Variants in IL15 observed in about 807,000 individuals in gnomAD.
IL15 encodes interleukin-15.
Under a neutral mutation model 19.6 loss-of-function variants are expected in IL15, and 11 were observed. The observed-to-expected ratio is 0.56, with a 90% CI of 0.35 to 0.93. IL15 has a LOEUF of 0.93. Among genes scored for constraint, IL15 ranks in the 40% least tolerant of loss-of-function variants. The probability of loss-of-function intolerance (pLI) is 0.01; values close to 1 mark genes in which losing one functional copy is unlikely to be tolerated. For synonymous variants in IL15, 58 were observed against 59.6 expected (o/e 0.97, Z 0.12); for missense variants, 197 against 186.5 (o/e 1.06, Z -0.33).
intron 2 of IL15, among the ~76,000 whole-genome samples, chr4:141,662,505 T>C (rs1443689425): frequency 1.3e-5 from 2 of 152,254 alleles, no homozygotes; most frequent in African/African-American, 4.8e-5. Context: ...TCATTTAATA[T>C]TGCATGATAT....
At chr4:141,667,020 A>G (rs947690960) in intron 2 of IL15, among the ~76,000 whole-genome samples, 2 of 152,206 alleles carry the variant, frequency 1.3e-5, no homozygotes, top group African/African-American at 4.8e-5. Context: ...GCTCCTGAAC[A>G]GCTGAACTTG....
Position 141,727,969 on chromosome 4 carries a change from G to A in IL15, c.225G>A (p.Thr75=), listed in dbSNP as rs143236056. ...TGCATATTGATGCTACTTTATATACGGAAAGTGATGTTCACGTGAGTATAC... is the reference window on the plus strand; with the variant it reads ...TGCATATTGATGCTACTTTATATACAGAAAGTGATGTTCACGTGAGTATAC... ...QSMHIDATLY[T]ESDVHPSCKV... Residue 75 remains threonine (T), a synonymous_variant, in exon 6 of 8, where the codon ACG becomes ACA. Transcript: ENST00000320650. 31 of 1,359,688 alleles carry A rather than the reference G, an allele frequency of 2.3e-5. No individual in the cohort carries two copies. The highest frequency in any genetic ancestry group is 1.0e-4 in the African/African-American group (7 of 68,368). The allele number at this position is 1,359,688 out of a possible 1,614,324, so 84.2% of individuals were successfully genotyped here.
At chr4:141,727,498 G>A (rs75790354) in intron 5 of IL15, among the ~76,000 whole-genome samples, 2,221 of 152,236 alleles carry the variant, frequency 0.015, 43 homozygotes, top group East Asian at 0.058. Context: ...GATGAGGTAT[G>A]TATGGGGAGA....
intron 1 of IL15, among the ~76,000 whole-genome samples, chr4:141,651,252 T>TA (rs1727396027): frequency 6.6e-6 from 1 of 151,804 alleles, no homozygotes; most frequent in Non-Finnish European, 1.5e-5. Flanking sequence ...TATTCAGCCA[T>TA]AAAAATATTA....
chr4:141,712,933 AT>A lies in IL15; in HGVS notation c.-99-6424del, dbSNP rs570520365. On this transcript the variant is annotated intron_variant, in intron 2 of 7. Coordinates refer to ENST00000320650, the MANE Select transcript of IL15 (RefSeq NM_000585.5). ...CTTTGTATGAAGTAGTTACCTAATC[AT>A]TTTTTTTTGTTTTGATAAGCTGAAA... Among the ~76,000 whole-genome samples, 1,201 of 150,860 alleles carry A rather than the reference AT, an allele frequency of 8.0e-3. 6 individuals are homozygous for A. The highest frequency in any genetic ancestry group is 0.013 in the South Asian group (63 of 4,780).
chr4:141,722,069 G>A, intron 5 of IL15, 61 bp downstream of exon 5: 1 of 1,463,628 alleles, frequency 6.8e-7, no homozygotes, highest in Non-Finnish European at 9.2e-7. Context: ...GTCTCTCTCT[G>A]TGTTTTTCTG....
At position 141,696,242 on chromosome 4, in the gene IL15, G is replaced by A. The variant is rs1175311000; in HGVS notation, c.-99-23124G>A. ...GCACCCTTGTTGAATATCCGCTGTA[G>A]GCATGTGAACTTATTTCTGGGTTTT... On this transcript the variant is annotated intron_variant, in intron 2 of 7. Coordinates refer to ENST00000320650, the MANE Select transcript of IL15 (RefSeq NM_000585.5). 2.0e-5 allele frequency among the ~76,000 whole-genome samples: 3 copies of A among 151,992 alleles called. No individual in the cohort carries two copies. In the East Asian group the frequency reaches 5.8e-4, roughly 29 times the overall value.
chr4:141,689,229 G>A (rs957033603), intron 2 of IL15, among the ~76,000 whole-genome samples: 2 of 152,180 alleles, frequency 1.3e-5, no homozygotes, highest in Admixed American at 1.3e-4. Flanking sequence ...AGCTTCCACA[G>A]TGTGGAAGGG....
chr4:141,693,156 A>C (rs2152178281), intron 2 of IL15, among the ~76,000 whole-genome samples: 1 of 152,086 alleles, frequency 6.6e-6, no homozygotes, highest in Admixed American at 6.6e-5. Context: ...GCAAAGGGGA[A>C]GCAGGCACCC....
intron 5 of IL15, among the ~76,000 whole-genome samples, chr4:141,725,511 C>T (rs1730227490): frequency 6.6e-6 from 1 of 152,118 alleles, no homozygotes; most frequent in Non-Finnish European, 1.5e-5. Flanking sequence ...TGATTTCAGA[C>T]CTCTAGCCTC....
chr4:141,717,779 G>A (rs1729936526), intron 2 of IL15: 1 of 151,940 alleles, frequency 6.6e-6, no homozygotes, highest in Non-Finnish European at 1.5e-5. Flanking sequence ...TCTGGCCTCA[G>A]CCTCCCGAGT....
intron 7 of IL15, 101 bp from the exon 8 acceptor site, chr4:141,732,637 A>G: frequency 6.9e-7 from 1 of 1,458,164 alleles, no homozygotes; most frequent in Non-Finnish European, 9.2e-7. Flanking sequence ...ATATCTCAAG[A>G]CCTCACCATA....
intron 2 of IL15, among the ~76,000 whole-genome samples, chr4:141,674,135 T>G (rs1387042605): frequency 1.3e-5 from 2 of 152,224 alleles, no homozygotes; most frequent in African/African-American, 2.4e-5. Flanking sequence ...ATTCCATAAT[T>G]TTTAAGGATA....
chr4:141,643,390 G>A (rs1338745744), intron 1 of IL15, among the ~76,000 whole-genome samples: 1 of 152,040 alleles, frequency 6.6e-6, no homozygotes, highest in Non-Finnish European at 1.5e-5. Flanking sequence ...TCTGTTTCCA[G>A]TTTTCCTCTC....
chr4:141,646,847 C>T (rs1189730020), intron 1 of IL15, among the ~76,000 whole-genome samples: 1 of 151,962 alleles, frequency 6.6e-6, no homozygotes, highest in Non-Finnish European at 1.5e-5. Flanking sequence ...AGAATATGAA[C>T]CACAGGAGAA....
rs143129487 is a variant in IL15, at chr4:141,639,690, A to T, written c.-222+2942A>T. ...TTGGGACATCCTCTCTTCAGAAGGC[A>T]TTATGGTAGAAGGTTTGGCAAGAAG... On this transcript the variant is annotated intron_variant, in intron 1 of 7. Transcript: ENST00000320650. Among the ~76,000 whole-genome samples, 392 of 152,316 alleles carry T rather than the reference A, an allele frequency of 2.6e-3. 4 individuals are homozygous for T. Among genetic ancestry groups the T allele is most frequent in the African/African-American group, 8.9e-3 (369 of 41,582 alleles).
intron 2 of IL15, among the ~76,000 whole-genome samples, chr4:141,686,944 A>G (rs1222146867): frequency 1.3e-5 from 2 of 152,234 alleles, no homozygotes; most frequent in African/African-American, 2.4e-5. Context: ...AAGAGAATAG[A>G]AAGAAAATTC....
intron 2 of IL15, among the ~76,000 whole-genome samples, chr4:141,684,735 T>G (rs1448754629): frequency 6.6e-6 from 1 of 152,192 alleles, no homozygotes; most frequent in South Asian, 2.1e-4. Context: ...CCTTCTCCAT[T>G]TGCAGCAGTG....
At chr4:141,641,350 C>A (rs1727035215) in intron 1 of IL15, among the ~76,000 whole-genome samples, 1 of 152,044 alleles carries the variant, frequency 6.6e-6, no homozygotes, top group African/African-American at 2.4e-5. Flanking sequence ...AAAACTAAAA[C>A]ATATATACCC....
Sources: gnomAD v4.1 joint callset for allele counts (sites outside exome capture counted in the v4.1 genomes callset) on GRCh38, gnomAD v4.1.1 for gene constraint, MANE v1.5 for transcripts, NCBI Gene and HGNC (gene_info 2026-07-23, HGNC 2026-07-21) for gene names.